CBLB: variants seen among roughly 807,000 people sequenced by gnomAD.
CBLB encodes the protein E3 ubiquitin-protein ligase CBL-B.
In CBLB, 31 loss-of-function variants were observed where a neutral mutation model predicts 104.9. That is an observed-to-expected ratio of 0.30 (90% CI 0.22 to 0.40). The LOEUF (loss-of-function observed/expected upper bound fraction) is 0.40, where lower values mean the gene tolerates loss of function less well. Among genes scored for constraint, CBLB ranks in the 10% least tolerant of loss-of-function variants. The pLI, the probability that CBLB is intolerant of heterozygous loss-of-function variation, is 1.00. For synonymous variants in CBLB, 440 were observed against 422.6 expected, an observed-to-expected ratio of 1.04 and a Z score of -0.51; for missense variants, 1,062 against 1,214.6, an observed-to-expected ratio of 0.87 and a Z score of 1.87.
At chr3:105,849,274 T>C (rs1379985304) in intron 3 of CBLB, among the ~76,000 whole-genome samples, 4 of 152,108 alleles carry the variant, frequency 2.6e-5, no homozygotes, top group African/African-American at 9.7e-5. Context: ...ATTTATCAAA[T>C]GTAAATTCTG....
chr3:105,673,043 A>G (rs1691319667), intron 17 of CBLB: 2 of 151,708 alleles, frequency 1.3e-5, no homozygotes, highest in African/African-American at 2.4e-5. Flanking sequence ...GATACCTATC[A>G]ATGATTAGGA....
intron 3 of CBLB, among the ~76,000 whole-genome samples, chr3:105,781,653 G>A (rs2080270239): frequency 6.6e-6 from 1 of 152,168 alleles, no homozygotes; most frequent in Admixed American, 6.5e-5. Context: ...ATTGCATGTA[G>A]TCCTTGAGTT....
intron 9 of CBLB, among the ~76,000 whole-genome samples, chr3:105,721,798 T>C (rs1343967958): frequency 6.6e-6 from 1 of 152,078 alleles, no homozygotes; most frequent in Non-Finnish European, 1.5e-5. Flanking sequence ...GAGTAAATAT[T>C]TAAGAAAAGC....
intron 10 of CBLB, among the ~76,000 whole-genome samples, chr3:105,711,363 ATAGTC>A (rs938608932): frequency 1.3e-5 from 2 of 152,068 alleles, no homozygotes; most frequent in African/African-American, 4.8e-5. Flanking sequence ...ACATGATAAA[ATAGTC>A]TAAGCATATT....
At chr3:105,703,125 G>A (rs2069502212) in intron 11 of CBLB, among the ~76,000 whole-genome samples, 1 of 152,146 alleles carries the variant, frequency 6.6e-6, no homozygotes, top group Non-Finnish European at 1.5e-5. Flanking sequence ...TGAATTGAAT[G>A]AGTATGCTTT....
chr3:105,691,824 A>T (rs971976583), intron 13 of CBLB, among the ~76,000 whole-genome samples: 4 of 152,174 alleles, frequency 2.6e-5, no homozygotes, highest in Admixed American at 1.3e-4. Context: ...GAATGATGCC[A>T]AATTTCACAC....
chr3:105,692,157 T>C (rs1418640373), intron 13 of CBLB, among the ~76,000 whole-genome samples: 3 of 152,186 alleles, frequency 2.0e-5, no homozygotes, highest in Non-Finnish European at 4.4e-5. Context: ...AGACCTTCTA[T>C]TGTAAATAAG....
In CBLB at chr3:105,685,320, C is replaced by T. The variant is rs779236954; in HGVS notation, c.2201G>A (p.Arg734Gln). 3.7e-6 allele frequency: 6 copies of T among 1,613,448 alleles called. No individual in the cohort carries two copies. The highest frequency in any genetic ancestry group is 3.4e-6 in the Non-Finnish European group (4 of 1,179,616). ...GGCAAAAATCTGCCCATACTCTTAC[C>T]GAACAGGAGGTTTTACATTATGACA... ...SHCHNVKPPVRSCDNGHCMLN... is the reference protein window; with the variant it reads ...SHCHNVKPPVQSCDNGHCMLN... The change falls in exon 14 of 19, where the codon CGG (arginine) becomes CAG (glutamine). Residue 734 changes from arginine to glutamine, a missense_variant and splice_region_variant. Arg to Gln is a conservative substitution (Grantham distance 43). This residue lies in a region of CBLB where 605 missense variants were observed against 582.6 expected (regional missense o/e 1.04). Coordinates refer to ENST00000394030, the MANE Select transcript of CBLB (RefSeq NM_170662.5).
intron 8 of CBLB, among the ~76,000 whole-genome samples, chr3:105,734,789 C>T (rs745425327): frequency 5.3e-5 from 8 of 152,314 alleles, no homozygotes; most frequent in Non-Finnish European, 7.4e-5. Flanking sequence ...AAAGTGCATA[C>T]GCTTTCCCTA....
Position 105,704,068 on chromosome 3 carries a change from G to C in CBLB, c.1513C>G (p.Pro505Ala). 6.2e-7 allele frequency: 1 copy of C among 1,614,144 alleles called. No homozygotes were observed. Among genetic ancestry groups the C allele is most frequent in the Non-Finnish European group, 8.5e-7 (1 of 1,179,998 alleles). Residue 505 changes from proline to alanine, a missense_variant, in exon 11 of 19, where the codon CCA becomes GCA. This residue lies in a region of CBLB where 457 missense variants were observed against 632.0 expected (regional missense o/e 0.72). Coordinates refer to ENST00000394030, the MANE Select transcript of CBLB (RefSeq NM_170662.5). ...DPLQIPHLSL[P>A]PVPPRLDLIQ... The stretch of plus-strand genomic sequence containing the variant: ...AGATCCAGGCGAGGAGGCACGGGTG[G>C]CAGGCTTAGATGTGGGATCTGGAGT...
At chr3:105,679,894 T>A (rs2066107242) in intron 16 of CBLB, among the ~76,000 whole-genome samples, 3 of 152,222 alleles carry the variant, frequency 2.0e-5, no homozygotes, top group Non-Finnish European at 2.9e-5. Flanking sequence ...AGTTTTGCTA[T>A]CATTTTAACC....
intron 16 of CBLB, 47 bp from the exon 17 acceptor site, chr3:105,678,618 A>C (rs768451016): frequency 2.6e-6 from 4 of 1,568,238 alleles, no homozygotes; most frequent in Non-Finnish European, 3.5e-6. Flanking sequence ...TTCATTAATC[A>C]AAATACACAG....
chr3:105,685,338 T>C lies in CBLB; in HGVS notation c.2183A>G (p.Asn728Ser). The change falls in exon 14 of 19, where the codon AAT becomes AGT. Residue 728 changes from asparagine (N) to serine (S), a missense_variant. By Grantham distance (46) the Asn-to-Ser change is conservative. This residue lies in a region of CBLB where 605 missense variants were observed against 582.6 expected (regional missense o/e 1.04). Transcript: ENST00000394030. The stretch of plus-strand genomic sequence containing the variant: ...CTCTTACCGAACAGGAGGTTTTACA[T>C]TATGACAATGAGATGGTTGTGAATT... ...SLNSQPSHCH[N>S]VKPPVRSCDN... The C allele has an allele frequency of 6.2e-7, 1 of 1,613,858 alleles. No homozygotes were observed. Among genetic ancestry groups the C allele is most frequent in the East Asian group, 2.2e-5 (1 of 44,814 alleles).
At chr3:105,757,865 A>G (rs2152924162) in intron 4 of CBLB, among the ~76,000 whole-genome samples, 1 of 152,358 alleles carries the variant, frequency 6.6e-6, no homozygotes, top group Admixed American at 6.5e-5. Context: ...TATATTCAGC[A>G]GCCCAACTCT....
chr3:105,795,373 A>G (rs2082143121), intron 3 of CBLB, among the ~76,000 whole-genome samples: 1 of 152,254 alleles, frequency 6.6e-6, no homozygotes. Context: ...ACAAGTATAC[A>G]TCATATAATT....
intron 1 of CBLB, chr3:105,868,184 C>G (rs781334607): frequency 3.3e-6 from 4 of 1,229,038 alleles, no homozygotes; most frequent in Non-Finnish European, 4.1e-6. Flanking sequence ...TTTAAATCAA[C>G]GCGGTGAGTC....
intron 3 of CBLB, among the ~76,000 whole-genome samples, chr3:105,817,187 C>T (rs1267337496): frequency 1.3e-5 from 2 of 151,856 alleles, no homozygotes; most frequent in African/African-American, 4.8e-5. Context: ...AAGCAAATGC[C>T]CAGAAGAGGA....
chr3:105,712,378 T>C (rs1458367797), intron 10 of CBLB, among the ~76,000 whole-genome samples: 1 of 152,168 alleles, frequency 6.6e-6, no homozygotes, highest in Non-Finnish European at 1.5e-5. Context: ...TTCGCTCAGC[T>C]GCATAACCAA....
intron 3 of CBLB, among the ~76,000 whole-genome samples, chr3:105,842,343 G>A (rs572962287): frequency 3.5e-4 from 53 of 152,202 alleles, no homozygotes; most frequent in African/African-American, 1.3e-3. Flanking sequence ...CAGGCTCTTC[G>A]CAGTCCTTGA....
Sources: gnomAD v4.1 joint callset for allele counts (sites outside exome capture counted in the v4.1 genomes callset) on GRCh38, gnomAD v4.1.1 for gene constraint, gnomAD v4.1.1 regional missense constraint, MANE v1.5 for transcripts, NCBI Gene and HGNC (gene_info 2026-07-23, HGNC 2026-07-21) for gene names.